Variants in BPIFC observed in about 807,000 individuals in gnomAD.
BPIFC encodes BPI fold-containing family C protein.
BPIFC carries 60 observed loss-of-function variants against 57.6 expected under a neutral mutation model. The ratio of observed to expected loss-of-function variants is 1.04; its 90% CI spans 0.85 to 1.29. The LOEUF is 1.29. BPIFC is among the 50% of genes most tolerant of loss of function. BPIFC has a pLI of 0.00. For synonymous variants in BPIFC, 243 were observed against 224.5 expected (o/e 1.08, Z -0.74); for missense variants, 581 against 600.5 (o/e 0.97, Z 0.34).
rs202141667 is a variant in BPIFC, at chr22:32,432,589, G to A, written c.979-46C>T. 1.5e-4 allele frequency: 245 copies of A among 1,583,542 alleles called. 3 individuals carry two copies. The African/African-American group carries it at 2.9e-3, about 19-fold the overall frequency. On this transcript the variant is annotated intron_variant, in intron 11 of 16. Coordinates refer to ENST00000300399, the MANE Select transcript of BPIFC (RefSeq NM_174932.3). ...AAATAAAGATTGTGAGGCGTGAGTT[G>A]GTGAAGGGAGATCACAAGGTTAGGA...
At chr22:32,431,439 A>ATTTATTTTTTTATTTATTTTTTTTTTTT in intron 12 of BPIFC, 25 bp from the exon 13 acceptor site, 1 of 1,343,078 alleles carries the variant, frequency 7.4e-7, no homozygotes, top group Middle Eastern at 1.9e-4. Context: ...AGCATTTATT[A>ATTTATTTTTTTATTTATTTTTTTTTTTT]TTAAGACGAG....
intron 2 of BPIFC, among the ~76,000 whole-genome samples, chr22:32,459,553 C>T (rs1935114638): frequency 2.0e-5 from 3 of 152,096 alleles, no homozygotes; most frequent in Admixed American, 2.0e-4. Context: ...GTCCCAGCTA[C>T]TCGGGACGCT....
intron 13 of BPIFC, among the ~76,000 whole-genome samples, chr22:32,427,085 G>T (rs1358345907): frequency 4.6e-5 from 7 of 152,018 alleles, no homozygotes; most frequent in Non-Finnish European, 1.5e-5. Context: ...ACAAGCCAGA[G>T]GTCCTAATTT....
intron 7 of BPIFC, among the ~76,000 whole-genome samples, chr22:32,443,147 T>A (rs190033994): frequency 1.3e-5 from 2 of 149,722 alleles, no homozygotes; most frequent in Non-Finnish European, 3.0e-5. Context: ...CTACCTGGAA[T>A]GGTTAGAGCT....
At chr22:32,424,821 G>A (rs1934018959) in intron 13 of BPIFC, among the ~76,000 whole-genome samples, 2 of 142,000 alleles carry the variant, frequency 1.4e-5, no homozygotes, top group South Asian at 2.2e-4. Flanking sequence ...TGCTCTTGTC[G>A]CCCAGGCTAG....
At chr22:32,427,215 C>A (rs1220080871) in intron 13 of BPIFC, among the ~76,000 whole-genome samples, 1 of 152,164 alleles carries the variant, frequency 6.6e-6, no homozygotes, top group Non-Finnish European at 1.5e-5. Flanking sequence ...TCTATTACTC[C>A]CATAAATAAA....
chr22:32,433,582 A>T (rs555486103), intron 11 of BPIFC, 137 bp downstream of exon 11: 49 of 702,326 alleles, frequency 7.0e-5, no homozygotes, highest in Non-Finnish European at 1.1e-4. Context: ...ATTTGTAGAT[A>T]TTCGATTACG....
intron 12 of BPIFC, among the ~76,000 whole-genome samples, chr22:32,431,832 G>A (rs1246220829): frequency 1.3e-5 from 2 of 152,148 alleles, no homozygotes; most frequent in African/African-American, 2.4e-5. Context: ...ATGTAACTGA[G>A]GTAGGTGGTG....
intron 4 of BPIFC, among the ~76,000 whole-genome samples, chr22:32,451,528 C>T (rs1399933452): frequency 6.6e-6 from 1 of 152,116 alleles, no homozygotes; most frequent in Non-Finnish European, 1.5e-5. Context: ...GAATATCACA[C>T]ACCGGGGCCT....
chr22:32,420,172 G>T (rs962998302), intron 13 of BPIFC, among the ~76,000 whole-genome samples: 2 of 151,924 alleles, frequency 1.3e-5, no homozygotes, highest in African/African-American at 4.8e-5. Flanking sequence ...CAAAAAATTA[G>T]CAGGACATGG....
intron 13 of BPIFC, among the ~76,000 whole-genome samples, chr22:32,425,339 T>C (rs1934036012): frequency 6.6e-6 from 1 of 152,128 alleles, no homozygotes; most frequent in African/African-American, 2.4e-5. Context: ...CACAGAGTTG[T>C]AAGATTTAAA....
chr22:32,433,912 AT>A, intron 10 of BPIFC, 140 bp from the exon 11 acceptor site: 1 of 747,840 alleles, frequency 1.3e-6, no homozygotes, highest in South Asian at 1.7e-5. Context: ...GTGACCTATC[AT>A]TTTATAGCCC....
intron 4 of BPIFC, among the ~76,000 whole-genome samples, chr22:32,450,584 T>C (rs1934868801): frequency 6.6e-6 from 1 of 152,074 alleles, no homozygotes; most frequent in Non-Finnish European, 1.5e-5. Context: ...ATATAAAAAT[T>C]ACTAATGAGA....
At chr22:32,441,071 C>T (rs930964750) in intron 8 of BPIFC, among the ~76,000 whole-genome samples, 10 of 152,150 alleles carry the variant, frequency 6.6e-5, no homozygotes, top group Admixed American at 5.2e-4. Flanking sequence ...CATCTCTGGC[C>T]TCATTGCCTG....
intron 7 of BPIFC, among the ~76,000 whole-genome samples, chr22:32,444,245 G>T (rs1000426214): frequency 2.0e-5 from 3 of 152,140 alleles, no homozygotes; most frequent in Admixed American, 2.0e-4. Flanking sequence ...CTTTGCCAGG[G>T]ACTCTAATAT....
At position 32,414,076 on chromosome 22, in the gene BPIFC, C is replaced by A; in HGVS notation, c.*227G>T. 2.9e-6 allele frequency: 1 copy of A among 344,656 alleles called. No individual in the cohort carries two copies. Among genetic ancestry groups the A allele is most frequent in the Non-Finnish European group, 5.2e-6 (1 of 193,890 alleles). The allele number at this position is 344,656 out of a possible 1,614,324, so 21.3% of individuals were successfully genotyped here. On this transcript the variant is annotated 3_prime_UTR_variant, in exon 17 of 17. Transcript: ENST00000300399. ...CCCCAAACAAACAAACAAACATAAA[C>A]ACAGACACACGCAGCATGCATACAC...
chr22:32,450,550 C>T (rs190567383), intron 4 of BPIFC, among the ~76,000 whole-genome samples: 66 of 151,992 alleles, frequency 4.3e-4, no homozygotes, highest in African/African-American at 1.6e-3. Context: ...ATATGTAAAA[C>T]ATTGTCATAT....
Position 32,437,880 on chromosome 22 carries a change from T to C in BPIFC, c.656-29A>G, listed in dbSNP as rs778134821. 3.6e-6 allele frequency: 5 copies of C among 1,383,192 alleles called. No individual in the cohort carries two copies. The East Asian group carries it at 1.1e-4, about 32-fold the overall frequency. 85.7% of individuals were successfully genotyped at this position (1,383,192 alleles called of 1,614,324 possible). On this transcript the variant is annotated intron_variant, in intron 8 of 16. Coordinates refer to ENST00000300399, the MANE Select transcript of BPIFC (RefSeq NM_174932.3). ...AATAACCAACAAAGAAAAAAGAAAA[T>C]CCATATTCATTAAAGGCATAGTATA...
At chr22:32,437,721 T>G (rs1934447833) in intron 9 of BPIFC, 39 bp downstream of exon 9, 2 of 1,410,996 alleles carry the variant, frequency 1.4e-6, no homozygotes, top group Non-Finnish European at 2.0e-6. Flanking sequence ...TATTGGCTGT[T>G]GACAGCCAGG....
Sources: gnomAD v4.1 joint callset for allele counts (sites outside exome capture counted in the v4.1 genomes callset) on GRCh38, gnomAD v4.1.1 for gene constraint, MANE v1.5 for transcripts, NCBI Gene and HGNC (gene_info 2026-07-23, HGNC 2026-07-21) for gene names.